The following LAMA2 variants were observed in gnomAD, a reference collection of about 807,000 sequenced individuals.
LAMA2 encodes the protein laminin subunit alpha-2.
LAMA2 carries 269 observed loss-of-function variants against 364.8 expected under a neutral mutation model. That is an observed-to-expected ratio of 0.74 (90% CI 0.67 to 0.82). The LOEUF (loss-of-function observed/expected upper bound fraction) is 0.82, where lower values mean the gene tolerates loss of function less well. LAMA2 is among the 40% of genes least tolerant of loss of function. The pLI is 0.00. For missense variants in LAMA2, 3,807 were observed against 3,873.2 expected (o/e 0.98, Z 0.45); for synonymous variants, 1,379 against 1,370.6 (o/e 1.01, Z -0.14).
chr6:128,936,353 T>C (rs762643050), intron 1 of LAMA2, among the ~76,000 whole-genome samples: 6 of 152,230 alleles, frequency 3.9e-5, no homozygotes, highest in Non-Finnish European at 8.8e-5. Flanking sequence ...TACATTTTTC[T>C]ATACCTAATT....
At chr6:128,969,827 A>G (rs1056661982) in intron 1 of LAMA2, among the ~76,000 whole-genome samples, 3 of 152,224 alleles carry the variant, frequency 2.0e-5, no homozygotes, top group African/African-American at 7.2e-5. Flanking sequence ...GAAAGATACT[A>G]CATACTTTAG....
intron 4 of LAMA2, among the ~76,000 whole-genome samples, chr6:129,143,233 A>G (rs1778232695): frequency 6.6e-6 from 1 of 151,862 alleles, no homozygotes; most frequent in Admixed American, 6.6e-5. Context: ...TCACCATTCC[A>G]TTCAGGTTTA....
At chr6:129,104,292 C>T (rs1024814386) in intron 4 of LAMA2, among the ~76,000 whole-genome samples, 1 of 152,168 alleles carries the variant, frequency 6.6e-6, no homozygotes, top group Non-Finnish European at 1.5e-5. Flanking sequence ...AGACATGAAC[C>T]ACCATGCCTG....
chr6:129,204,328 G>A (rs7766548), intron 12 of LAMA2, among the ~76,000 whole-genome samples: 49,212 of 152,076 alleles, frequency 0.32, 9,838 homozygotes, highest in African/African-American at 0.58. Context: ...CTGACAACCT[G>A]GCAGTGAAAG....
Position 129,123,229 on chromosome 6 carries a change from C to T in LAMA2, c.640-20672C>T, listed in dbSNP as rs183245008. Among the ~76,000 whole-genome samples the T allele has an allele frequency of 2.0e-3, 304 of 151,072 alleles. 2 individuals carry two copies. Among genetic ancestry groups the T allele is most frequent in the African/African-American group, 6.9e-3 (283 of 41,144 alleles). On this transcript the variant is annotated intron_variant, in intron 4 of 64. Transcript: ENST00000421865. ...GCTGAGGCAGAAGAATTGTGTGAAC[C>T]GGGCAGGCAGAGGTTGCAGTGAACT...
intron 4 of LAMA2, among the ~76,000 whole-genome samples, chr6:129,118,175 G>A (rs1021617649): frequency 6.6e-6 from 1 of 152,184 alleles, no homozygotes; most frequent in African/African-American, 2.4e-5. Context: ...ATAGCTGAAC[G>A]AATGAATTAA....
At chr6:129,472,380 G>C (rs1248378379) in intron 51 of LAMA2, among the ~76,000 whole-genome samples, 1 of 151,866 alleles carries the variant, frequency 6.6e-6, no homozygotes, top group African/African-American at 2.4e-5. Flanking sequence ...GTAGTTAAAG[G>C]CTAGATCTAA....
intron 1 of LAMA2, among the ~76,000 whole-genome samples, chr6:129,044,731 A>G (rs1306518614): frequency 6.6e-5 from 10 of 152,112 alleles, no homozygotes. Context: ...TATTCAGAAA[A>G]AAAATGTCAA....
intron 1 of LAMA2, among the ~76,000 whole-genome samples, chr6:128,913,949 C>T (rs1778142823): frequency 6.6e-6 from 1 of 152,042 alleles, no homozygotes. Context: ...TCCTCTTCTG[C>T]TGTGGGTATA....
At chr6:129,356,041 C>A (rs944201668) in intron 32 of LAMA2, among the ~76,000 whole-genome samples, 8 of 152,066 alleles carry the variant, frequency 5.3e-5, no homozygotes, top group Admixed American at 2.6e-4. Flanking sequence ...AATGCAGGAA[C>A]TGTGAAAGGA....
chr6:129,052,900 T>C (rs1278745056), intron 2 of LAMA2, among the ~76,000 whole-genome samples: 1 of 152,156 alleles, frequency 6.6e-6, no homozygotes, highest in East Asian at 1.9e-4. Flanking sequence ...CCCCTCATTA[T>C]ATAATTTAGG....
At chr6:128,961,338 T>TAG (rs1469506826) in intron 1 of LAMA2, among the ~76,000 whole-genome samples, 4 of 46,230 alleles carry the variant, frequency 8.7e-5, no homozygotes, top group Non-Finnish European at 1.6e-4. Context: ...TATATATATA[T>TAG]ATATATATAT....
chr6:129,092,919 A>T (rs114793914), intron 3 of LAMA2, among the ~76,000 whole-genome samples: 1 of 152,134 alleles, frequency 6.6e-6, no homozygotes, highest in African/African-American at 2.4e-5. Flanking sequence ...TAACTGTGTA[A>T]CAGTGGTGCT....
intron 20 of LAMA2, chr6:129,293,067 G>A: frequency 1.0e-6 from 1 of 985,928 alleles, no homozygotes; most frequent in Non-Finnish European, 1.2e-6. Context: ...CCCAGCTCCG[G>A]TAATCCCAGA....
At chr6:129,274,432 G>A (rs919361789) in intron 17 of LAMA2, among the ~76,000 whole-genome samples, 1 of 151,518 alleles carries the variant, frequency 6.6e-6, no homozygotes, top group African/African-American at 2.4e-5. Context: ...AAAAAAAAGG[G>A]AGCTAAAGGT....
chr6:129,325,284 A>G (rs1775205184), intron 28 of LAMA2, among the ~76,000 whole-genome samples: 1 of 152,220 alleles, frequency 6.6e-6, no homozygotes, highest in Non-Finnish European at 1.5e-5. Flanking sequence ...TTTAAATTAG[A>G]GTAGAAATGG....
chr6:129,416,645 T>C (rs1780806181), intron 40 of LAMA2, among the ~76,000 whole-genome samples: 1 of 152,196 alleles, frequency 6.6e-6, no homozygotes, highest in Non-Finnish European at 1.5e-5. Context: ...GGGGTGTTTC[T>C]TCACCAGCTG....
chr6:129,178,914 A>T (rs1308197444), intron 10 of LAMA2, among the ~76,000 whole-genome samples: 1 of 152,188 alleles, frequency 6.6e-6, no homozygotes, highest in African/African-American at 2.4e-5. Context: ...TATATGTTAC[A>T]TCAGGGGCAA....
At position 129,427,786 on chromosome 6, in the gene LAMA2, C is replaced by A; in HGVS notation, c.5900C>A (p.Ala1967Asp). Residue 1967 changes from alanine (A) to aspartate (D), a missense_variant, in exon 41 of 65, where the codon GCC (alanine) becomes GAC (aspartate). Physicochemically the swap from Ala to Asp is moderately radical, Grantham distance 126. Around this residue, in one of 3 missense-constraint regions of LAMA2, gnomAD observed 3,333 missense variants for 3,345.7 expected, o/e 1.00. Coordinates refer to ENST00000421865, the MANE Select transcript of LAMA2 (RefSeq NM_000426.4). ...TGPRGLLKED[A>D]KGCLQKSFRI... ...CCTCGGGGTTTATTAAAGGAAGATG[C>A]CAAAGGCTGTCTTCAGAAAAGCTTC... 6.2e-7 allele frequency: 1 copy of A among 1,613,676 alleles called. No individual in the cohort carries two copies. The highest frequency in any genetic ancestry group is 2.2e-5 in the East Asian group (1 of 44,868).
Sources: allele counts gnomAD v4.1 joint callset (sites outside exome capture counted in the v4.1 genomes callset), GRCh38; gene constraint gnomAD v4.1.1; regional missense constraint gnomAD v4.1.1; transcripts MANE v1.5; gene names NCBI Gene and HGNC (gene_info 2026-07-23, HGNC 2026-07-21).